The following TEAD1 variants were observed in gnomAD, a reference collection of about 807,000 sequenced individuals.
TEAD1 encodes transcriptional enhancer factor TEF-1.
Under a neutral mutation model 54.9 loss-of-function variants are expected in TEAD1, and 9 were observed. That is an observed-to-expected ratio of 0.16 (90% CI 0.10 to 0.29). The LOEUF (loss-of-function observed/expected upper bound fraction) is 0.29, where lower values mean the gene tolerates loss of function less well. TEAD1 is among the 10% of genes least tolerant of loss of function. TEAD1 has a pLI of 1.00. For missense variants in TEAD1, 387 were observed against 535.9 expected (o/e 0.72, Z 2.74); for synonymous variants, 200 against 187.8 (o/e 1.07, Z -0.53).
In TEAD1 at chr11:12,695,416, C is replaced by T. The variant is rs569941790; in HGVS notation, c.-55+19855C>T. Among the ~76,000 whole-genome samples, 39 of 152,238 alleles carry T rather than the reference C, an allele frequency of 2.6e-4. No individual in the cohort carries two copies. The East Asian group carries it at 3.5e-3, about 14-fold the overall frequency. On this transcript the variant is annotated intron_variant, in intron 2 of 12. Transcript: ENST00000527636. Reference sequence around the variant, plus strand: ...CCTTATGTTAAGAGAGGTACAAATCCAGTTATTTTTATTTGTCCTTCATTG... The same window carrying T: ...CCTTATGTTAAGAGAGGTACAAATCTAGTTATTTTTATTTGTCCTTCATTG...
At chr11:12,873,556 A>G (rs1947797193) in intron 5 of TEAD1, among the ~76,000 whole-genome samples, 2 of 152,386 alleles carry the variant, frequency 1.3e-5, no homozygotes, top group Admixed American at 1.3e-4. Flanking sequence ...TGGAAATACA[A>G]TAAAATGAAT....
chr11:12,742,186 T>A (rs746781180), intron 2 of TEAD1, among the ~76,000 whole-genome samples: 1 of 152,214 alleles, frequency 6.6e-6, no homozygotes, highest in African/African-American at 2.4e-5. Flanking sequence ...CAAATACATT[T>A]AGACTTTGAG....
At chr11:12,849,041 CTT>C (rs963520722) in intron 3 of TEAD1, 1 of 151,368 alleles carries the variant, frequency 6.6e-6, no homozygotes, top group Non-Finnish European at 1.5e-5. Context: ...AACTTTCTTG[CTT>C]TTTTTTTCTT....
chr11:12,852,857 C>A (rs1947303645), intron 3 of TEAD1, among the ~76,000 whole-genome samples: 1 of 152,184 alleles, frequency 6.6e-6, no homozygotes, highest in Non-Finnish European at 1.5e-5. Context: ...TCAGCAGAGT[C>A]TGATTGTGGG....
At chr11:12,756,816 A>G (rs1018691337) in intron 2 of TEAD1, among the ~76,000 whole-genome samples, 34 of 152,202 alleles carry the variant, frequency 2.2e-4, no homozygotes, top group African/African-American at 8.2e-4. Flanking sequence ...ATAATACTAA[A>G]GGGGGAAGTG....
chr11:12,757,954 AT>A (rs909652572), intron 2 of TEAD1, among the ~76,000 whole-genome samples: 1 of 151,190 alleles, frequency 6.6e-6, no homozygotes, highest in African/African-American at 2.4e-5. Flanking sequence ...TAATTTTTGT[AT>A]TTTTAGTAGA....
rs544443486 is a variant in TEAD1 at position 12,926,860 on chromosome 11, C to T, written c.1014+1808C>T. Among the ~76,000 whole-genome samples the T allele has an allele frequency of 1.8e-4, 27 of 152,142 alleles. No homozygotes were observed. The South Asian group carries it at 5.2e-3, about 29-fold the overall frequency. On this transcript the variant is annotated intron_variant, in intron 11 of 12. Transcript: ENST00000527636. Reference sequence around the variant, plus strand: ...GCTGTATCATGAAACATGGCTGGGACGCCTGGAACCAGATGACCTCCTCGC... The same window carrying T: ...GCTGTATCATGAAACATGGCTGGGATGCCTGGAACCAGATGACCTCCTCGC...
At chr11:12,842,905 G>T (rs1268429871) in intron 3 of TEAD1, among the ~76,000 whole-genome samples, 1 of 152,098 alleles carries the variant, frequency 6.6e-6, no homozygotes, top group South Asian at 2.1e-4. Context: ...AAAATGAATG[G>T]TTTATTTCTT....
chr11:12,889,301 G>A (rs1214913605), intron 9 of TEAD1, among the ~76,000 whole-genome samples: 1 of 152,192 alleles, frequency 6.6e-6, no homozygotes. Flanking sequence ...TGGCTGAGCT[G>A]TCAGCTGAAT....
chr11:12,775,398 A>T (rs550000737), intron 3 of TEAD1, among the ~76,000 whole-genome samples: 35 of 152,308 alleles, frequency 2.3e-4, no homozygotes, highest in African/African-American at 8.4e-4. Flanking sequence ...CCTGGATTCA[A>T]CGATGTTTCT....
intron 3 of TEAD1, among the ~76,000 whole-genome samples, chr11:12,782,518 T>C (rs112962707): frequency 1.6e-4 from 24 of 152,336 alleles, no homozygotes; most frequent in African/African-American, 5.8e-4. Context: ...ATGGAGTTCT[T>C]TCTGGGGTGA....
At chr11:12,825,838 A>T (rs1442922944) in intron 3 of TEAD1, among the ~76,000 whole-genome samples, 1 of 152,262 alleles carries the variant, frequency 6.6e-6, no homozygotes, top group African/African-American at 2.4e-5. Context: ...ATGGTACAGA[A>T]TTGAGAGTCT....
At chr11:12,719,251 T>G (rs1331843799) in intron 2 of TEAD1, among the ~76,000 whole-genome samples, 2 of 152,092 alleles carry the variant, frequency 1.3e-5, no homozygotes, top group Non-Finnish European at 2.9e-5. Context: ...CCTTTGACTC[T>G]GCCTAGTGGA....
intron 2 of TEAD1, among the ~76,000 whole-genome samples, chr11:12,739,978 C>T (rs1010848892): frequency 2.6e-5 from 4 of 152,094 alleles, no homozygotes; most frequent in African/African-American, 9.7e-5. Flanking sequence ...AAGGCTTTAC[C>T]AAAGAGGTAG....
Position 12,804,426 on chromosome 11 carries a change from A to G in TEAD1, c.202+39992A>G, listed in dbSNP as rs565267974. ...CAGAAAACTATAGTTTATACAATGC[A>G]TAAATGAGACCTTTGATCTGCTTTT... On this transcript the variant is annotated intron_variant, in intron 3 of 12. Transcript: ENST00000527636. 5.3e-5 allele frequency among the ~76,000 whole-genome samples: 8 copies of G among 152,370 alleles called. No homozygotes were observed. In the South Asian group the frequency reaches 6.2e-4, roughly 12 times the overall value.
intron 2 of TEAD1, among the ~76,000 whole-genome samples, chr11:12,731,169 AACCAT>A (rs1203043585): frequency 1.6e-4 from 25 of 152,288 alleles, no homozygotes; most frequent in Non-Finnish European, 2.4e-4. Context: ...CCTCTGCTGG[AACCAT>A]ACAGCACAAG....
chr11:12,693,096 G>C (rs1202117834), intron 2 of TEAD1, among the ~76,000 whole-genome samples: 2 of 152,220 alleles, frequency 1.3e-5, no homozygotes, highest in African/African-American at 2.4e-5. Flanking sequence ...TTTTTCTAGT[G>C]GGGACCTCTT....
chr11:12,675,903 AT>A (rs1194494124), intron 2 of TEAD1, among the ~76,000 whole-genome samples: 1 of 152,238 alleles, frequency 6.6e-6, no homozygotes, highest in African/African-American at 2.4e-5. Context: ...GTGTCACTAT[AT>A]AAAAATATTT....
chr11:12,902,259 C>CA, intron 10 of TEAD1, 146 bp downstream of exon 10: 1 of 1,133,694 alleles, frequency 8.8e-7, no homozygotes. Flanking sequence ...AGCACGGACT[C>CA]ACACCTGTGA....
Sources: gnomAD v4.1 joint callset for allele counts (sites outside exome capture counted in the v4.1 genomes callset) on GRCh38, gnomAD v4.1.1 for gene constraint, MANE v1.5 for transcripts, NCBI Gene and HGNC (gene_info 2026-07-23, HGNC 2026-07-21) for gene names.